The following COBL variants were observed in gnomAD, a reference collection of about 807,000 sequenced individuals.
COBL encodes cordon-bleu WH2 repeat protein.
Under a neutral mutation model 98.8 loss-of-function variants are expected in COBL, and 51 were observed. The ratio of observed to expected loss-of-function variants is 0.52; its 90% CI spans 0.41 to 0.65. The LOEUF (loss-of-function observed/expected upper bound fraction) is 0.65. COBL is among the 30% of genes least tolerant of loss of function. The pLI is 0.00. For synonymous variants in COBL, 634 were observed against 651.7 expected, an observed-to-expected ratio of 0.97 and a Z score of 0.41; for missense variants, 1,617 against 1,617.5, an observed-to-expected ratio of 1.00 and a Z score of 0.01.
chr7:51,061,624 T>C (rs188748843), intron 7 of COBL, among the ~76,000 whole-genome samples: 41 of 152,224 alleles, frequency 2.7e-4, no homozygotes, highest in African/African-American at 9.6e-4. Flanking sequence ...TGTGAGGCTG[T>C]TTACCAGAGT....
intron 5 of COBL, among the ~76,000 whole-genome samples, chr7:51,180,817 T>C (rs906018900): frequency 2.0e-5 from 3 of 152,244 alleles, no homozygotes; most frequent in African/African-American, 7.2e-5. Context: ...TTTTCAGTTG[T>C]TCCCTAATGG....
rs1363845383 is a variant in COBL at position 51,102,917 on chromosome 7, G to A, written c.958-17613C>T. 2.0e-5 allele frequency among the ~76,000 whole-genome samples: 3 copies of A among 152,190 alleles called. No individual in the cohort carries two copies. The East Asian group carries it at 5.8e-4, about 29-fold the overall frequency. On this transcript the variant is annotated intron_variant, in intron 6 of 12. Coordinates refer to ENST00000265136, the MANE Select transcript of COBL (RefSeq NM_015198.5). ...CAGGCGATGAGGGGAAGAGGGAAAT[G>A]GGAGTTGCTGTTGAAGGGGTACAAA...
At chr7:51,114,370 G>GAA (rs34595332) in intron 6 of COBL, among the ~76,000 whole-genome samples, 70 of 143,710 alleles carry the variant, frequency 4.9e-4, no homozygotes, top group Admixed American at 7.5e-4. Context: ...ACGTACTCCA[G>GAA]AAAAAAAAAA....
intron 5 of COBL, among the ~76,000 whole-genome samples, chr7:51,169,455 T>C (rs1787643530): frequency 2.0e-5 from 3 of 152,150 alleles, no homozygotes; most frequent in South Asian, 4.1e-4. Context: ...CTTTCTAAAT[T>C]GATTGAGACT....
chr7:51,017,602 T>C, intron 12 of COBL, 34 bp from the exon 13 acceptor site: 1 of 1,612,482 alleles, frequency 6.2e-7, no homozygotes, highest in Admixed American at 1.7e-5. Context: ...TTATTTGGTA[T>C]GTCAATAAGC....
intron 2 of COBL, among the ~76,000 whole-genome samples, chr7:51,217,116 C>G (rs967739897): frequency 2.0e-5 from 3 of 152,214 alleles, no homozygotes; most frequent in African/African-American, 2.4e-5. Context: ...ATTATTTTAA[C>G]ACTCCATCTC....
chr7:51,280,004 T>G (rs1326961977), intron 1 of COBL, among the ~76,000 whole-genome samples: 1 of 152,144 alleles, frequency 6.6e-6, no homozygotes, highest in African/African-American at 2.4e-5. Context: ...AACATGCACT[T>G]TATAAGAAAA....
intron 1 of COBL, among the ~76,000 whole-genome samples, chr7:51,255,794 T>C (rs982265841): frequency 1.3e-5 from 2 of 152,174 alleles, no homozygotes; most frequent in African/African-American, 4.8e-5. Context: ...ATCAAGGTGG[T>C]GTGCCGATGC....
At chr7:51,075,776 T>C (rs988879674) in intron 7 of COBL, among the ~76,000 whole-genome samples, 3 of 152,218 alleles carry the variant, frequency 2.0e-5, no homozygotes, top group African/African-American at 4.8e-5. Context: ...TAAGGTTTTT[T>C]TGAAAAGCTA....
chr7:51,077,596 G>A (rs1395790568), intron 7 of COBL, among the ~76,000 whole-genome samples: 1 of 152,218 alleles, frequency 6.6e-6, no homozygotes, highest in Non-Finnish European at 1.5e-5. Flanking sequence ...AACTCTGGAA[G>A]AGACAAGATT....
chr7:51,237,538 T>TTAAA (rs1554441654), intron 1 of COBL, among the ~76,000 whole-genome samples: 1 of 132,760 alleles, frequency 7.5e-6, no homozygotes, highest in Non-Finnish European at 1.6e-5. Flanking sequence ...TTTTTTTTCT[T>TTAAA]AAAAAAAAAA....
At chr7:51,159,329 C>A (rs1215357308) in intron 5 of COBL, among the ~76,000 whole-genome samples, 3 of 152,152 alleles carry the variant, frequency 2.0e-5, no homozygotes, top group Admixed American at 2.0e-4. Flanking sequence ...GCGACAGACG[C>A]TATGAGGGTT....
chr7:51,093,433 T>C (rs1428973615), intron 6 of COBL, among the ~76,000 whole-genome samples: 1 of 152,242 alleles, frequency 6.6e-6, no homozygotes, highest in African/African-American at 2.4e-5. Context: ...TTGGAAAATA[T>C]GTTGAAGGTT....
At position 51,028,242 on chromosome 7, in the gene COBL, C is replaced by T. The variant is rs139783292; in HGVS notation, c.2854G>A (p.Gly952Arg). 4 of 1,613,866 alleles carry T rather than the reference C, an allele frequency of 2.5e-6. No homozygotes were observed. The highest frequency in any genetic ancestry group is 3.4e-6 in the Non-Finnish European group (4 of 1,179,908). ...TTCCTGTGTGGGCCAATGACCTCCC[C>T]CCTAGGAGGGGCTCCCACTGCCAAA... ...EDLAVGAPPR[G>R]EVIGPHRKLS... Residue 952 changes from glycine to arginine, a missense_variant, in exon 10 of 13, where the codon GGG becomes AGG. Gly to Arg is a moderately radical substitution (Grantham distance 125, BLOSUM62 -2). This residue lies in a region of COBL where 1,304 missense variants were observed against 1,282.0 expected (regional missense o/e 1.02). Coordinates refer to ENST00000265136, the MANE Select transcript of COBL (RefSeq NM_015198.5).
chr7:51,074,263 T>C (rs531010852), intron 7 of COBL, among the ~76,000 whole-genome samples: 1 of 147,122 alleles, frequency 6.8e-6, no homozygotes, highest in African/African-American at 2.5e-5. Flanking sequence ...TGGCGCGATC[T>C]CGGCTCACTG....
In COBL at chr7:51,177,212, G is replaced by A. The variant is rs79129151; in HGVS notation, c.783+6890C>T. Among the ~76,000 whole-genome samples, 1,255 of 152,252 alleles carry A rather than the reference G, an allele frequency of 8.2e-3. 67 individuals are homozygous for A. In the South Asian group the frequency reaches 0.14, roughly 17 times the overall value. On this transcript the variant is annotated intron_variant, in intron 5 of 12. Coordinates refer to ENST00000265136, the MANE Select transcript of COBL (RefSeq NM_015198.5). The stretch of plus-strand genomic sequence containing the variant: ...GCCAAGAGCTGTGGGGCAGAGCTAC[G>A]CTACATGTCTTCCCTGGCTCACTTG...
At chr7:51,069,329 C>T (rs1792281207) in intron 7 of COBL, among the ~76,000 whole-genome samples, 1 of 152,236 alleles carries the variant, frequency 6.6e-6, no homozygotes, top group East Asian at 1.9e-4. Flanking sequence ...GCTGCATCTG[C>T]CTCTCTGGTC....
At chr7:51,146,235 T>C (rs905893966) in intron 5 of COBL, among the ~76,000 whole-genome samples, 1 of 152,248 alleles carries the variant, frequency 6.6e-6, no homozygotes, top group Non-Finnish European at 1.5e-5. Context: ...GAATGGCTTT[T>C]GTCTGTTTAA....
At chr7:51,126,058 G>T (rs1798173456) in intron 6 of COBL, among the ~76,000 whole-genome samples, 1 of 152,168 alleles carries the variant, frequency 6.6e-6, no homozygotes, top group South Asian at 2.1e-4. Context: ...GCTGAGTGTG[G>T]TGGCTCACAC....
Sources: gnomAD v4.1 joint callset for allele counts (sites outside exome capture counted in the v4.1 genomes callset) on GRCh38, gnomAD v4.1.1 for gene constraint, gnomAD v4.1.1 regional missense constraint, MANE v1.5 for transcripts, NCBI Gene and HGNC (gene_info 2026-07-23, HGNC 2026-07-21) for gene names.